Variants in PTPRM observed in about 807,000 individuals in gnomAD.
The protein encoded by PTPRM is receptor-type tyrosine-protein phosphatase mu.
In PTPRM, 47 loss-of-function variants were observed where a neutral mutation model predicts 186.7. The observed-to-expected ratio is 0.25, with a 90% CI of 0.20 to 0.32. PTPRM has a LOEUF of 0.32. Ranked by LOEUF, PTPRM falls within the 10% of genes least tolerant of loss-of-function variation. The pLI is 1.00. For missense variants in PTPRM, 1,494 were observed against 1,865.0 expected, an observed-to-expected ratio of 0.80 and a Z score of 3.66; for synonymous variants, 668 against 674.9, an observed-to-expected ratio of 0.99 and a Z score of 0.16.
rs138470219 is a variant in PTPRM, at chr18:7,864,788, A to T, written c.197-23318A>T. Among the ~76,000 whole-genome samples the T allele has an allele frequency of 5.5e-3, 834 of 152,322 alleles. 2 individuals carry two copies. Among genetic ancestry groups the T allele is most frequent in the Non-Finnish European group, 7.0e-3 (477 of 68,032 alleles). On this transcript the variant is annotated intron_variant, in intron 2 of 32. Transcript: ENST00000580170. Reference sequence around the variant, plus strand: ...ATTGAATCTATAAATTCCTTTGGGCAGTATGGCCATTTTCATGATATTGAT... The same window carrying T: ...ATTGAATCTATAAATTCCTTTGGGCTGTATGGCCATTTTCATGATATTGAT...
intron 23 of PTPRM, among the ~76,000 whole-genome samples, chr18:8,352,785 C>T (rs1247023232): frequency 6.6e-6 from 1 of 151,990 alleles, no homozygotes; most frequent in Non-Finnish European, 1.5e-5. Flanking sequence ...AATTCTCTGC[C>T]TCAGCCTCCC....
At chr18:8,063,527 ATG>A (rs959729608) in intron 7 of PTPRM, among the ~76,000 whole-genome samples, 37 of 152,156 alleles carry the variant, frequency 2.4e-4, no homozygotes, top group Non-Finnish European at 5.3e-4. Context: ...AAAATATGAC[ATG>A]TTATCATTAT....
intron 7 of PTPRM, among the ~76,000 whole-genome samples, chr18:7,966,903 T>G (rs2054139450): frequency 7.9e-6 from 1 of 126,818 alleles, no homozygotes; most frequent in African/African-American, 2.6e-5. Flanking sequence ...TTGCCCAGGC[T>G]TGCTGAGGTA....
In PTPRM at chr18:8,115,857, T is replaced by C. The variant is rs183228573; in HGVS notation, c.2167+1030T>C. 2.0e-3 allele frequency among the ~76,000 whole-genome samples: 305 copies of C among 152,350 alleles called. 1 individual carries two copies. Among genetic ancestry groups the C allele is most frequent in the Non-Finnish European group, 3.1e-3 (209 of 68,034 alleles). Reference sequence around the variant, plus strand: ...ATTTTGTGAACTTACATGACTCTTTTAGTCAGTGTTAGCTCAACAAATATT... The same window carrying C: ...ATTTTGTGAACTTACATGACTCTTTCAGTCAGTGTTAGCTCAACAAATATT... On this transcript the variant is annotated intron_variant, in intron 13 of 32. Coordinates refer to ENST00000580170, the MANE Select transcript of PTPRM (RefSeq NM_001105244.2).
intron 23 of PTPRM, among the ~76,000 whole-genome samples, chr18:8,351,632 T>G (rs2095534656): frequency 6.6e-6 from 1 of 152,230 alleles, no homozygotes; most frequent in Admixed American, 6.5e-5. Context: ...CTTGAATTCC[T>G]TCAATTCTGT....
intron 19 of PTPRM, among the ~76,000 whole-genome samples, chr18:8,283,785 A>AT (rs891350911): frequency 2.5e-4 from 37 of 148,218 alleles, no homozygotes; most frequent in Non-Finnish European, 4.0e-4. Context: ...TACCTAGCTA[A>AT]TTTTTTTTTT....
intron 1 of PTPRM, among the ~76,000 whole-genome samples, chr18:7,723,047 C>T (rs866275383): frequency 1.3e-5 from 2 of 152,132 alleles, no homozygotes; most frequent in African/African-American, 2.4e-5. Flanking sequence ...AGTGAACTAG[C>T]GTTTGAAGAC....
intron 2 of PTPRM, among the ~76,000 whole-genome samples, chr18:7,846,496 T>C (rs757197193): frequency 4.6e-5 from 7 of 152,248 alleles, no homozygotes; most frequent in African/African-American, 1.2e-4. Flanking sequence ...TGTCCTATGC[T>C]GTACTTGTTA....
intron 7 of PTPRM, among the ~76,000 whole-genome samples, chr18:7,983,322 G>A (rs1275051406): frequency 6.6e-6 from 1 of 151,996 alleles, no homozygotes; most frequent in Non-Finnish European, 1.5e-5. Context: ...ATGATCTGAG[G>A]GGGAACAGTT....
At chr18:7,606,166 G>A (rs540242794) in intron 1 of PTPRM, among the ~76,000 whole-genome samples, 1 of 152,154 alleles carries the variant, frequency 6.6e-6, no homozygotes, top group Non-Finnish European at 1.5e-5. Context: ...CCTGCACTGG[G>A]TGTTTGGAGG....
chr18:8,119,175 T>G (rs555734142), intron 13 of PTPRM, among the ~76,000 whole-genome samples: 17 of 152,310 alleles, frequency 1.1e-4, no homozygotes, highest in Admixed American at 1.0e-3. Flanking sequence ...AATGTGAATA[T>G]GGCTTATTGG....
intron 1 of PTPRM, among the ~76,000 whole-genome samples, chr18:7,690,569 A>T (rs905357521): frequency 1.3e-5 from 2 of 152,164 alleles, no homozygotes; most frequent in Non-Finnish European, 2.9e-5. Flanking sequence ...GTATTTTTAA[A>T]GTGAATGAAA....
chr18:7,620,135 G>T (rs2037902535), intron 1 of PTPRM, among the ~76,000 whole-genome samples: 1 of 152,154 alleles, frequency 6.6e-6, no homozygotes, highest in South Asian at 2.1e-4. Flanking sequence ...CCTACCTTAG[G>T]CTGAATAGAG....
chr18:8,183,090 A>T (rs924525317), intron 14 of PTPRM, among the ~76,000 whole-genome samples: 1 of 152,230 alleles, frequency 6.6e-6, no homozygotes, highest in Non-Finnish European at 1.5e-5. Context: ...ATAATTAGAT[A>T]AGTTTACTTT....
intron 7 of PTPRM, among the ~76,000 whole-genome samples, chr18:8,020,265 A>G (rs1247496371): frequency 6.6e-6 from 1 of 152,136 alleles, no homozygotes; most frequent in Non-Finnish European, 1.5e-5. Context: ...CCAAATAACC[A>G]TTCATTTACT....
At chr18:7,845,862 T>C (rs1315831904) in intron 2 of PTPRM, among the ~76,000 whole-genome samples, 1 of 152,170 alleles carries the variant, frequency 6.6e-6, no homozygotes, top group Non-Finnish European at 1.5e-5. Flanking sequence ...AGGGTTGCTC[T>C]TGGGGTCAGT....
At chr18:8,280,065 T>A (rs1334511550) in intron 19 of PTPRM, among the ~76,000 whole-genome samples, 1 of 152,168 alleles carries the variant, frequency 6.6e-6, no homozygotes, top group African/African-American at 2.4e-5. Flanking sequence ...GAGTGGGAAG[T>A]GTACGCATCT....
At chr18:7,692,736 C>G (rs1244955227) in intron 1 of PTPRM, among the ~76,000 whole-genome samples, 1 of 152,138 alleles carries the variant, frequency 6.6e-6, no homozygotes, top group African/African-American at 2.4e-5. Context: ...CATTGTTTTT[C>G]TAATGATAAC....
chr18:8,314,144 A>G (rs949117350), intron 20 of PTPRM, among the ~76,000 whole-genome samples: 1 of 152,148 alleles, frequency 6.6e-6, no homozygotes, highest in Non-Finnish European at 1.5e-5. Flanking sequence ...CTTATGTGTC[A>G]ATTTGTGTTT....
Sources: allele counts gnomAD v4.1 joint callset (sites outside exome capture counted in the v4.1 genomes callset), GRCh38; gene constraint gnomAD v4.1.1; transcripts MANE v1.5; gene names NCBI Gene and HGNC (gene_info 2026-07-23, HGNC 2026-07-21).